SMIM31: variants seen among roughly 807,000 people sequenced by gnomAD.
The protein encoded by SMIM31 is small integral membrane protein 31.
intron 2 of SMIM31, among the ~76,000 whole-genome samples, chr4:164,800,697 G>C (rs976813912): frequency 6.6e-6 from 1 of 152,076 alleles, no homozygotes; most frequent in Non-Finnish European, 1.5e-5. Context: ...AAGTTGTCTT[G>C]AGCACCCAGC....
At chr4:164,800,852 C>G (rs1049478095) in intron 2 of SMIM31, among the ~76,000 whole-genome samples, 1 of 152,092 alleles carries the variant, frequency 6.6e-6, no homozygotes, top group Non-Finnish European at 1.5e-5. Flanking sequence ...TGTCATTAGC[C>G]TTTGCGATAC....
chr4:164,797,796 C>T (rs1733224581), intron 2 of SMIM31, among the ~76,000 whole-genome samples: 1 of 152,062 alleles, frequency 6.6e-6, no homozygotes, highest in African/African-American at 2.4e-5. Context: ...ATATACTGCA[C>T]AGTGGTGAAA....
Position 164,785,226 on chromosome 4 carries a change from A to T in SMIM31, c.112+14671A>T, listed in dbSNP as rs531085608. Among the ~76,000 whole-genome samples, 10 of 119,268 alleles carry T rather than the reference A, an allele frequency of 8.4e-5. No individual in the cohort carries two copies. The South Asian group carries it at 2.2e-3, about 27-fold the overall frequency. The allele number at this position is 119,268 out of a possible 152,430, so 78.2% of individuals were successfully genotyped here. On this transcript the variant is annotated intron_variant, in intron 2 of 2. Transcript: ENST00000507311. Reference sequence around the variant, plus strand: ...GGCGACAGAGCAAGACTATCTCAAAAAAATAAATAAATAAAAAATAAAAAA... The same window carrying T: ...GGCGACAGAGCAAGACTATCTCAAATAAATAAATAAATAAAAAATAAAAAA...
intron 2 of SMIM31, among the ~76,000 whole-genome samples, chr4:164,779,393 GC>G (rs1186404823): frequency 2.0e-5 from 3 of 152,190 alleles, no homozygotes; most frequent in African/African-American, 7.2e-5. Context: ...TGAATTGGAA[GC>G]TTCTGCTTCT....
intron 2 of SMIM31, among the ~76,000 whole-genome samples, chr4:164,787,764 G>A (rs982177074): frequency 6.6e-6 from 1 of 152,000 alleles, no homozygotes; most frequent in Non-Finnish European, 1.5e-5. Context: ...TGTGCCCAAG[G>A]ATATAGGCCT....
rs1380101743 is a variant in SMIM31 at position 164,755,884 on chromosome 4, T to C, written c.-26+1473T>C. 3.3e-5 allele frequency among the ~76,000 whole-genome samples: 5 copies of C among 152,144 alleles called. 1 individual carries two copies. The East Asian group carries it at 9.7e-4, about 29-fold the overall frequency. Reference sequence around the variant, plus strand: ...GTTCAAACATAGAGAAAAATTGAAATAATTGTATCATGAACATCCAAATGC... The same window carrying C: ...GTTCAAACATAGAGAAAAATTGAAACAATTGTATCATGAACATCCAAATGC... On this transcript the variant is annotated intron_variant, in intron 1 of 2. Coordinates refer to ENST00000507311, the MANE Select transcript of SMIM31 (RefSeq NM_001352885.1).
At chr4:164,792,060 G>T (rs1457073056) in intron 2 of SMIM31, among the ~76,000 whole-genome samples, 2 of 152,172 alleles carry the variant, frequency 1.3e-5, no homozygotes, top group Non-Finnish European at 2.9e-5. Flanking sequence ...TCATTAATCA[G>T]TGCGTCTCAA....
At position 164,795,530 on chromosome 4, in the gene SMIM31, A is replaced by G. The variant is rs190210420; in HGVS notation, c.113-5561A>G. On this transcript the variant is annotated intron_variant, in intron 2 of 2. Transcript: ENST00000507311. ...AGGCGAGATCACGCCACTGCACTCC[A>G]GCCTGGTGACAGAGAGATACTCCAT... Among the ~76,000 whole-genome samples, 714 of 131,490 alleles carry G rather than the reference A, an allele frequency of 5.4e-3. 3 individuals are homozygous for G. The highest frequency in any genetic ancestry group is 0.013 in the Admixed American group (137 of 10,702). 86.3% of individuals were successfully genotyped at this position (131,490 alleles called of 152,430 possible).
intron 1 of SMIM31, among the ~76,000 whole-genome samples, chr4:164,758,527 A>G (rs981219271): frequency 1.3e-5 from 2 of 151,456 alleles, no homozygotes; most frequent in African/African-American, 2.4e-5. Flanking sequence ...GAGGAAGATC[A>G]TTCCCACCTT....
chr4:164,777,284 A>G (rs1732890432), intron 2 of SMIM31, among the ~76,000 whole-genome samples: 1 of 152,248 alleles, frequency 6.6e-6, no homozygotes, highest in South Asian at 2.1e-4. Flanking sequence ...TCTGCATGCC[A>G]AAGTCAAATA....
intron 2 of SMIM31, among the ~76,000 whole-genome samples, chr4:164,778,366 C>T (rs1264452990): frequency 6.6e-6 from 1 of 152,082 alleles, no homozygotes; most frequent in Non-Finnish European, 1.5e-5. Context: ...CCTCATTCTT[C>T]TCCAAAATCA....
intron 1 of SMIM31, among the ~76,000 whole-genome samples, chr4:164,767,744 C>T (rs1237276480): frequency 6.6e-6 from 1 of 152,160 alleles, no homozygotes; most frequent in African/African-American, 2.4e-5. Context: ...TGGAGAGCTC[C>T]TGGTCAAGGG....
In SMIM31 at chr4:164,797,244, C is replaced by T. The variant is rs140103755; in HGVS notation, c.113-3847C>T. 2.9e-3 allele frequency among the ~76,000 whole-genome samples: 442 copies of T among 152,192 alleles called. 7 individuals carry two copies. Among genetic ancestry groups the T allele is most frequent in the African/African-American group, 0.01 (425 of 41,546 alleles). ...CAAAGTTTTATTTTTTTATATCATG[C>T]ATGCTAACATGCCATACATTTTCTT... On this transcript the variant is annotated intron_variant, in intron 2 of 2. Coordinates refer to ENST00000507311, the MANE Select transcript of SMIM31 (RefSeq NM_001352885.1).
intron 2 of SMIM31, chr4:164,787,511 CT>C (rs1733040491): frequency 6.9e-6 from 1 of 145,248 alleles, no homozygotes; most frequent in Non-Finnish European, 1.5e-5. Context: ...TTTCTCTATT[CT>C]TTTTTTCAAA....
At chr4:164,763,630 A>G (rs528737788) in intron 1 of SMIM31, among the ~76,000 whole-genome samples, 6 of 152,360 alleles carry the variant, frequency 3.9e-5, no homozygotes, top group African/African-American at 1.4e-4. Context: ...TTTATTTCAC[A>G]TGTGATCCTC....
At chr4:164,758,192 A>G (rs1354262661) in intron 1 of SMIM31, among the ~76,000 whole-genome samples, 3 of 152,152 alleles carry the variant, frequency 2.0e-5, no homozygotes, top group Non-Finnish European at 4.4e-5. Context: ...ATTGAGGCCA[A>G]TATATAGAAA....
At chr4:164,779,560 G>C (rs904443131) in intron 2 of SMIM31, among the ~76,000 whole-genome samples, 1 of 151,892 alleles carries the variant, frequency 6.6e-6, no homozygotes, top group Admixed American at 6.6e-5. Context: ...CAATTTTTCT[G>C]TTATCTCTGA....
At chr4:164,757,803 C>A in intron 1 of SMIM31, among the ~76,000 whole-genome samples, 1 of 127,296 alleles carries the variant, frequency 7.9e-6, no homozygotes, top group Non-Finnish European at 1.7e-5. Context: ...AAATACTACA[C>A]TCTTTTGATT....
chr4:164,777,700 TC>T (rs33955611), intron 2 of SMIM31, among the ~76,000 whole-genome samples: 5,021 of 152,238 alleles, frequency 0.033, 244 homozygotes, highest in African/African-American at 0.11. Context: ...CTATCCAGCA[TC>T]CCCATGCCAG....
Sources: allele counts gnomAD v4.1 joint callset (sites outside exome capture counted in the v4.1 genomes callset), GRCh38; gene constraint gnomAD v4.1.1; transcripts MANE v1.5; gene names NCBI Gene and HGNC (gene_info 2026-07-23, HGNC 2026-07-21).